NXPH1: variants seen among roughly 807,000 people sequenced by gnomAD.
NXPH1 encodes neurexophilin-1.
In NXPH1, 5 loss-of-function variants were observed where a neutral mutation model predicts 23.7. The observed-to-expected ratio is 0.21, with a 90% CI of 0.11 to 0.44. The LOEUF is 0.44. Among genes scored for constraint, NXPH1 ranks in the 20% least tolerant of loss-of-function variants. The pLI is 0.99. For synonymous variants in NXPH1, 144 were observed against 122.2 expected, an observed-to-expected ratio of 1.18 and a Z score of -1.18; for missense variants, 324 against 321.6, an observed-to-expected ratio of 1.01 and a Z score of -0.06.
At position 8,507,743 on chromosome 7, in the gene NXPH1, C is replaced by G. The variant is rs73232392; in HGVS notation, c.54+71976C>G. 8.6e-3 allele frequency among the ~76,000 whole-genome samples: 1,308 copies of G among 152,206 alleles called. 19 individuals are homozygous for G. Among genetic ancestry groups the G allele is most frequent in the African/African-American group, 0.03 (1,249 of 41,548 alleles). ...TAAATTAGTACAGTTTACCAACCCA[C>G]AAACATTTGTCACCCTCTCCCCTCC... On this transcript the variant is annotated intron_variant, in intron 2 of 2. Transcript: ENST00000405863.
At chr7:8,465,986 G>A (rs1029241161) in intron 2 of NXPH1, among the ~76,000 whole-genome samples, 3 of 152,148 alleles carry the variant, frequency 2.0e-5, no homozygotes, top group African/African-American at 4.8e-5. Context: ...GTTCTTAGGT[G>A]GTTGGGGGAA....
At chr7:8,680,753 T>G (rs1821036861) in intron 2 of NXPH1, among the ~76,000 whole-genome samples, 1 of 152,220 alleles carries the variant, frequency 6.6e-6, no homozygotes, top group South Asian at 2.1e-4. Context: ...TGATATAAAG[T>G]TAACACCTGG....
At chr7:8,670,339 C>G (rs1370769993) in intron 2 of NXPH1, among the ~76,000 whole-genome samples, 1 of 152,216 alleles carries the variant, frequency 6.6e-6, no homozygotes, top group African/African-American at 2.4e-5. Flanking sequence ...CAAGTTCTAT[C>G]CCTTTTTTCT....
intron 2 of NXPH1, among the ~76,000 whole-genome samples, chr7:8,511,305 C>T (rs1025786072): frequency 6.6e-6 from 1 of 151,990 alleles, no homozygotes; most frequent in Non-Finnish European, 1.5e-5. Flanking sequence ...GTTTTCTTTT[C>T]CATAGAGGCC....
rs7791042 is a variant in NXPH1, at chr7:8,456,917, T to A, written c.54+21150T>A. 9.9e-5 allele frequency among the ~76,000 whole-genome samples: 15 copies of A among 152,052 alleles called. No homozygotes were observed. In the East Asian group the frequency reaches 2.3e-3, roughly 24 times the overall value. On this transcript the variant is annotated intron_variant, in intron 2 of 2. Transcript: ENST00000405863. ...ACTCCATTTATACCACTGTCCCCAC[T>A]GCAGCCTAGATAAGGTCTCTAACTC...
intron 2 of NXPH1, among the ~76,000 whole-genome samples, chr7:8,527,425 C>T (rs1178002242): frequency 2.0e-5 from 3 of 152,140 alleles, no homozygotes; most frequent in Non-Finnish European, 2.9e-5. Flanking sequence ...ACTCATTTTC[C>T]AGCTGCAACA....
At chr7:8,445,280 C>A (rs1816381062) in intron 2 of NXPH1, among the ~76,000 whole-genome samples, 1 of 152,138 alleles carries the variant, frequency 6.6e-6, no homozygotes, top group Non-Finnish European at 1.5e-5. Context: ...AAAGAGAGGT[C>A]CCAATAAAGC....
chr7:8,619,692 C>A (rs79325880), intron 2 of NXPH1, among the ~76,000 whole-genome samples: 1,870 of 152,184 alleles, frequency 0.012, 28 homozygotes, highest in Non-Finnish European at 0.015. Context: ...TATTCTCCAG[C>A]GTATTTTTTA....
At chr7:8,505,526 A>G (rs1322725422) in intron 2 of NXPH1, among the ~76,000 whole-genome samples, 4 of 152,108 alleles carry the variant, frequency 2.6e-5, no homozygotes, top group Non-Finnish European at 4.4e-5. Flanking sequence ...TTCCTGGTAG[A>G]AGCAATAAAA....
intron 2 of NXPH1, among the ~76,000 whole-genome samples, chr7:8,664,891 G>A (rs569861449): frequency 1.4e-3 from 213 of 151,944 alleles, no homozygotes; most frequent in African/African-American, 5.1e-3. Flanking sequence ...TTGCTATTAA[G>A]TTGTTTGAGT....
chr7:8,651,018 A>T (rs945644277), intron 2 of NXPH1, among the ~76,000 whole-genome samples: 2 of 151,140 alleles, frequency 1.3e-5, no homozygotes, highest in African/African-American at 4.8e-5. Flanking sequence ...CATGTGCACA[A>T]TGTGCAGGTT....
intron 2 of NXPH1, among the ~76,000 whole-genome samples, chr7:8,667,165 T>A (rs1052469863): frequency 6.7e-6 from 1 of 150,204 alleles, no homozygotes; most frequent in Non-Finnish European, 1.5e-5. Flanking sequence ...TTATTGCAGC[T>A]GTTTTTTTAA....
At chr7:8,750,800 G>T (rs1780550191) in intron 2 of NXPH1, among the ~76,000 whole-genome samples, 1 of 152,050 alleles carries the variant, frequency 6.6e-6, no homozygotes, top group Non-Finnish European at 1.5e-5. Context: ...GCCAGATGCT[G>T]ATGGTGCTTT....
intron 2 of NXPH1, among the ~76,000 whole-genome samples, chr7:8,561,672 A>C (rs1369885297): frequency 6.6e-6 from 1 of 151,634 alleles, no homozygotes; most frequent in Non-Finnish European, 1.5e-5. Context: ...CTCCAGGCTG[A>C]CAGTCAAAAG....
intron 2 of NXPH1, among the ~76,000 whole-genome samples, chr7:8,579,111 G>C (rs1239693406): frequency 2.0e-5 from 3 of 152,166 alleles, no homozygotes; most frequent in Non-Finnish European, 4.4e-5. Flanking sequence ...GAAGTGCAAG[G>C]CTGCGTGTGG....
chr7:8,564,060 C>T (rs1052463992), intron 2 of NXPH1, among the ~76,000 whole-genome samples: 15 of 151,702 alleles, frequency 9.9e-5, no homozygotes, highest in African/African-American at 3.1e-4. Context: ...AGAAACTTCC[C>T]ACCTCCAATC....
At chr7:8,653,090 T>C (rs558016844) in intron 2 of NXPH1, among the ~76,000 whole-genome samples, 6 of 152,316 alleles carry the variant, frequency 3.9e-5, no homozygotes, top group African/African-American at 1.4e-4. Context: ...ACTTTTTCAC[T>C]TTCTGGAGCG....
intron 2 of NXPH1, among the ~76,000 whole-genome samples, chr7:8,518,564 G>C (rs1230511636): frequency 5.3e-5 from 8 of 152,050 alleles, no homozygotes. Context: ...CAATCTCACT[G>C]TAACCTCGAA....
At chr7:8,583,114 GGAT>G in intron 2 of NXPH1, among the ~76,000 whole-genome samples, 1 of 152,128 alleles carries the variant, frequency 6.6e-6, no homozygotes. Flanking sequence ...CTGTGCTTAG[GGAT>G]CTGCTCAAGT....
Sources: allele counts gnomAD v4.1 joint callset (sites outside exome capture counted in the v4.1 genomes callset), GRCh38; gene constraint gnomAD v4.1.1; transcripts MANE v1.5; gene names NCBI Gene and HGNC (gene_info 2026-07-23, HGNC 2026-07-21).